GABRG3: variants seen among roughly 807,000 people sequenced by gnomAD.
GABRG3 encodes gamma-aminobutyric acid type A receptor subunit gamma3.
A neutral mutation model predicts 48.8 loss-of-function variants in GABRG3; 25 were observed. The observed-to-expected ratio is 0.51, with a 90% CI of 0.37 to 0.72. GABRG3 has a LOEUF of 0.72. Among genes scored for constraint, GABRG3 ranks in the 30% least tolerant of loss-of-function variants. The pLI is 0.00. For synonymous variants in GABRG3, 227 were observed against 217.6 expected, an observed-to-expected ratio of 1.04 and a Z score of -0.38; for missense variants, 394 against 577.9, an observed-to-expected ratio of 0.68 and a Z score of 3.26.
intron 5 of GABRG3, among the ~76,000 whole-genome samples, chr15:27,468,336 C>T (rs779378987): frequency 3.9e-5 from 6 of 152,212 alleles, no homozygotes; most frequent in East Asian, 1.9e-4. Flanking sequence ...CCTGGAAAAA[C>T]GTGGAGACTT....
intron 5 of GABRG3, among the ~76,000 whole-genome samples, chr15:27,436,808 C>A (rs1888625572): frequency 6.6e-6 from 1 of 152,008 alleles, no homozygotes; most frequent in Non-Finnish European, 1.5e-5. Context: ...AAGAAAAGAA[C>A]AGAGAACATT....
chr15:27,265,642 C>T (rs1869599), intron 3 of GABRG3, among the ~76,000 whole-genome samples: 69,452 of 152,012 alleles, frequency 0.46, 18,307 homozygotes, highest in Non-Finnish European at 0.61. Context: ...AACTAGGAAA[C>T]ATGATTTGAG....
At chr15:27,145,664 T>TC (rs61419936) in intron 3 of GABRG3, among the ~76,000 whole-genome samples, 17,274 of 134,348 alleles carry the variant, frequency 0.13, 1,491 homozygotes, top group African/African-American at 0.19. Context: ...TATCTATCTA[T>TC]TGTGCCAGAA....
intron 5 of GABRG3, among the ~76,000 whole-genome samples, chr15:27,463,042 G>A (rs1889495806): frequency 6.6e-6 from 1 of 152,038 alleles, no homozygotes; most frequent in Non-Finnish European, 1.5e-5. Flanking sequence ...GTTTACAGAT[G>A]ATATGATCAG....
intron 3 of GABRG3, among the ~76,000 whole-genome samples, chr15:27,094,423 T>C (rs1897240559): frequency 6.6e-6 from 1 of 152,206 alleles, no homozygotes; most frequent in South Asian, 2.1e-4. Context: ...GTACTTGGTC[T>C]AGAAAACAGT....
intron 3 of GABRG3, among the ~76,000 whole-genome samples, chr15:27,304,092 A>G (rs529387801): frequency 6.6e-6 from 1 of 151,960 alleles, no homozygotes; most frequent in South Asian, 2.1e-4. Context: ...CATCCTCAAA[A>G]ATTCACATCT....
At chr15:26,998,144 G>T (rs1253787124) in intron 2 of GABRG3, among the ~76,000 whole-genome samples, 1 of 152,186 alleles carries the variant, frequency 6.6e-6, no homozygotes, top group Non-Finnish European at 1.5e-5. Flanking sequence ...AGAGCTTTTT[G>T]TGATTGCTTC....
intron 3 of GABRG3, among the ~76,000 whole-genome samples, chr15:27,255,082 A>G (rs1890571120): frequency 6.6e-6 from 1 of 152,140 alleles, no homozygotes. Context: ...TCCTGGCTCT[A>G]CATAGACTCC....
intron 7 of GABRG3, among the ~76,000 whole-genome samples, chr15:27,520,955 GCC>G (rs1261261651): frequency 6.6e-6 from 1 of 151,654 alleles, no homozygotes; most frequent in African/African-American, 2.4e-5. Flanking sequence ...AGATTAATTA[GCC>G]TGTAATATCC....
rs544561629 is a variant in GABRG3 at position 27,003,878 on chromosome 15, A to G, written c.203-22876A>G. ...GCTGACCCCCCCACCTCCCTCCCAG[A>G]CGGGGCGGCTGGCCGGGCAGAGGGG... is the stretch of plus-strand genomic sequence containing the variant. On this transcript the variant is annotated intron_variant, in intron 2 of 9. Transcript: ENST00000615808. Among the ~76,000 whole-genome samples, 7 of 113,418 alleles carry G rather than the reference A, an allele frequency of 6.2e-5. No homozygotes were observed. The Admixed American group carries it at 6.2e-4, about 10-fold the overall frequency. 74.4% of individuals were successfully genotyped at this position (113,418 alleles called of 152,430 possible). A position where few individuals can be genotyped will look rare whatever the true frequency, so the allele number is the denominator to read the frequency against.
intron 9 of GABRG3, among the ~76,000 whole-genome samples, chr15:27,528,693 CT>C (rs574712827): frequency 1.2e-3 from 133 of 106,862 alleles, no homozygotes; most frequent in African/African-American, 4.2e-3. Flanking sequence ...ATTGGCATTT[CT>C]TTGACTATTG....
chr15:27,197,774 C>T (rs1888542894), intron 3 of GABRG3, among the ~76,000 whole-genome samples: 1 of 152,058 alleles, frequency 6.6e-6, no homozygotes, highest in South Asian at 2.1e-4. Flanking sequence ...TAATTACTGC[C>T]TCAATTTCAG....
chr15:27,101,952 C>G (rs934515401), intron 3 of GABRG3, among the ~76,000 whole-genome samples: 1 of 152,040 alleles, frequency 6.6e-6, no homozygotes, highest in Non-Finnish European at 1.5e-5. Flanking sequence ...TGCACGTGGC[C>G]TATGGGCCAC....
rs190839405 is a variant in GABRG3 at position 27,540,533 on chromosome 15, C to T, written c.*7652C>T. 1.2e-4 allele frequency: 18 copies of T among 152,272 alleles called. No individual in the cohort carries two copies. The highest frequency in any genetic ancestry group is 3.4e-3 in the Middle Eastern group (1 of 294). 9.4% of individuals were successfully genotyped at this position (152,272 alleles called of 1,614,324 possible). A position where few individuals can be genotyped will look rare whatever the true frequency, so the allele number is the denominator to read the frequency against. ...ATATTCATGAAATGTACAGTGCTTA[C>T]TATTATATGATCTCTGTTTAGAATA... On this transcript the variant is annotated 3_prime_UTR_variant, in exon 10 of 10. Transcript: ENST00000615808.
Position 27,308,167 on chromosome 15 carries a change from T to TATGTTTGTATATCCAAACATATATAAAC in GABRG3, c.271-18636_271-18635insGTATATCCAAACATATATAAACATGTTT. The stretch of plus-strand genomic sequence containing the variant: ...ATACATCCAAACATATATAAACATA[T>TATGTTTGTATATCCAAACATATATAAAC]ATGTTTATATATCCAAACATATATA... On this transcript the variant is annotated intron_variant, in intron 3 of 9. Transcript: ENST00000615808. 9.4e-5 allele frequency among the ~76,000 whole-genome samples: 2 copies of TATGTTTGTATATCCAAACATATATAAAC among 21,292 alleles called. 1 individual carries two copies. The highest frequency in any genetic ancestry group is 1.4e-3 in the Admixed American group (2 of 1,406). The allele number at this position is 21,292 out of a possible 152,430, so 14.0% of individuals were successfully genotyped here. A position where few individuals can be genotyped will look rare whatever the true frequency, so the allele number is the denominator to read the frequency against.
In GABRG3 at chr15:27,055,542, G is replaced by A. The variant is rs891052570; in HGVS notation, c.270+28721G>A. On this transcript the variant is annotated intron_variant, in intron 3 of 9. Coordinates refer to ENST00000615808, the MANE Select transcript of GABRG3 (RefSeq NM_033223.5). ...TCCCACACCTGACCTCACATGGCAG[G>A]TCACAGTCAAACGCTGGCGCAGAAC... Among the ~76,000 whole-genome samples, 10 of 152,278 alleles carry A rather than the reference G, an allele frequency of 6.6e-5. No individual in the cohort carries two copies. The East Asian group carries it at 1.5e-3, about 24-fold the overall frequency.
intron 3 of GABRG3, among the ~76,000 whole-genome samples, chr15:27,222,058 A>T (rs1327163358): frequency 6.6e-6 from 1 of 152,144 alleles, no homozygotes; most frequent in Non-Finnish European, 1.5e-5. Flanking sequence ...CCTCAATCCC[A>T]TTATCTCTTC....
intron 2 of GABRG3, among the ~76,000 whole-genome samples, chr15:26,983,890 G>T (rs1350908991): frequency 6.6e-6 from 1 of 152,092 alleles, no homozygotes; most frequent in Non-Finnish European, 1.5e-5. Flanking sequence ...CACGTGCCGG[G>T]TACTTCAGGG....
At chr15:27,264,536 C>T (rs908535888) in intron 3 of GABRG3, among the ~76,000 whole-genome samples, 4 of 151,804 alleles carry the variant, frequency 2.6e-5, no homozygotes, top group Non-Finnish European at 5.9e-5. Context: ...AACACTACCC[C>T]TAAAGCTCCC....
Sources: allele counts gnomAD v4.1 joint callset (sites outside exome capture counted in the v4.1 genomes callset), GRCh38; gene constraint gnomAD v4.1.1; transcripts MANE v1.5; gene names NCBI Gene and HGNC (gene_info 2026-07-23, HGNC 2026-07-21).